Variants in PRLR observed in about 807,000 individuals in gnomAD.
PRLR encodes the protein prolactin receptor.
PRLR carries 13 observed loss-of-function variants against 40.2 expected under a neutral mutation model. The ratio of observed to expected loss-of-function variants is 0.32; its 90% CI spans 0.21 to 0.51. The LOEUF is 0.51. Ranked by LOEUF, PRLR falls within the 20% of genes least tolerant of loss-of-function variation. The pLI is 0.97. For synonymous variants in PRLR, 269 were observed against 278.7 expected (o/e 0.97, Z 0.35); for missense variants, 656 against 747.3 (o/e 0.88, Z 1.42).
chr5:35,055,273 C>T (rs888980305), downstream of PRLR, among the ~76,000 whole-genome samples: 5 of 152,074 alleles, frequency 3.3e-5, no homozygotes, highest in East Asian at 3.9e-4. Flanking sequence ...GAAAGTTGAT[C>T]GAATCTCAGG....
At chr5:35,114,490 G>A (rs1326104136) in intron 2 of PRLR, among the ~76,000 whole-genome samples, 8 of 152,202 alleles carry the variant, frequency 5.3e-5, no homozygotes, top group Admixed American at 4.6e-4. Flanking sequence ...GGTTACAATT[G>A]CTCCTTGGAA....
At chr5:35,178,336 C>T (rs1214135708) in intron 1 of PRLR, among the ~76,000 whole-genome samples, 4 of 152,142 alleles carry the variant, frequency 2.6e-5, no homozygotes, top group Non-Finnish European at 5.9e-5. Context: ...GTGTCATATA[C>T]ATATACTGAG....
intron 1 of PRLR, among the ~76,000 whole-genome samples, chr5:35,185,934 G>A (rs1775415545): frequency 2.6e-5 from 4 of 152,280 alleles, no homozygotes; most frequent in Admixed American, 2.0e-4. Flanking sequence ...TTCGTCGAAT[G>A]TCGGGGTGGA....
rs1768743850 is a variant in PRLR, at chr5:35,056,710, G to C, written c.*8379C>G. ...TATAGAACCTGTGTCTGGTGACTGA[G>C]ACTTCAAATTTTGCACCTTAAAAAT... On this transcript the variant is annotated 3_prime_UTR_variant, in exon 10 of 10. Coordinates refer to ENST00000618457, the MANE Select transcript of PRLR (RefSeq NM_000949.7). The C allele has an allele frequency of 6.6e-6, 1 of 152,100 alleles. No homozygotes were observed. Among genetic ancestry groups the C allele is most frequent in the African/African-American group, 2.4e-5 (1 of 41,426 alleles). 9.4% of individuals were successfully genotyped at this position (152,100 alleles called of 1,614,324 possible). A position where few individuals can be genotyped will look rare whatever the true frequency, so the allele number is the denominator to read the frequency against.
At position 35,057,436 on chromosome 5, in the gene PRLR, G is replaced by A. The variant is rs1326812431; in HGVS notation, c.*7653C>T. 2.0e-5 allele frequency: 3 copies of A among 152,112 alleles called. No individual in the cohort carries two copies. The highest frequency in any genetic ancestry group is 2.0e-4 in the Admixed American group (3 of 15,264). The allele number at this position is 152,112 out of a possible 1,614,324, so 9.4% of individuals were successfully genotyped here. On this transcript the variant is annotated 3_prime_UTR_variant, in exon 10 of 10. Transcript: ENST00000618457. ...GGGAATTAAACATTTATTAAGCCAG[G>A]CACTGAGCTGGGTATTTTCAATAAT...
chr5:35,193,197 G>C (rs187178266), intron 1 of PRLR, among the ~76,000 whole-genome samples: 1 of 152,086 alleles, frequency 6.6e-6, no homozygotes, highest in Admixed American at 6.5e-5. Context: ...CTCAACTCCC[G>C]TAGTTATGCA....
chr5:35,094,771 C>T (rs1301466406), intron 2 of PRLR, among the ~76,000 whole-genome samples: 3 of 149,348 alleles, frequency 2.0e-5, no homozygotes, highest in Non-Finnish European at 3.0e-5. Flanking sequence ...CTGAGGCTAA[C>T]ATAACAGGGA....
chr5:35,122,795 G>A (rs1163360270), intron 1 of PRLR, among the ~76,000 whole-genome samples: 1 of 152,216 alleles, frequency 6.6e-6, no homozygotes, highest in African/African-American at 2.4e-5. Context: ...TTGAGCAGAA[G>A]CAAGCACATC....
chr5:35,113,235 CATCT>C (rs957733451), intron 2 of PRLR, among the ~76,000 whole-genome samples: 2 of 149,818 alleles, frequency 1.3e-5, no homozygotes, highest in East Asian at 2.0e-4. Flanking sequence ...TCTTTCCATC[CATCT>C]ATCAACCACC....
chr5:35,175,184 G>C (rs1312018950), intron 1 of PRLR, among the ~76,000 whole-genome samples: 2 of 152,132 alleles, frequency 1.3e-5, no homozygotes, highest in African/African-American at 4.8e-5. Flanking sequence ...TTGTGGGAGG[G>C]ACCTGGTGGG....
At chr5:35,092,024 T>A (rs1437353690) in intron 2 of PRLR, among the ~76,000 whole-genome samples, 1 of 152,162 alleles carries the variant, frequency 6.6e-6, no homozygotes, top group East Asian at 1.9e-4. Context: ...CCATGCGTTT[T>A]GCAAAAGAAA....
chr5:35,133,982 G>A (rs886169662), intron 1 of PRLR, among the ~76,000 whole-genome samples: 3 of 152,100 alleles, frequency 2.0e-5, no homozygotes, highest in Admixed American at 6.5e-5. Context: ...GGAGCTAAAC[G>A]ATGAGGATGC....
In PRLR at chr5:35,193,653, T is replaced by C. The variant is rs571198189; in HGVS notation, c.-106+36615A>G. The stretch of plus-strand genomic sequence containing the variant: ...CTACCCCCTACCACCCAGATTGCTG[T>C]ACCCCTTAGGCTGGGTTCTCACATC... On this transcript the variant is annotated intron_variant, in intron 1 of 9. Transcript: ENST00000618457. Among the ~76,000 whole-genome samples the C allele has an allele frequency of 2.6e-5, 4 of 152,328 alleles. No individual in the cohort carries two copies. The South Asian group carries it at 8.3e-4, about 32-fold the overall frequency.
chr5:35,140,637 G>A (rs768533534), intron 1 of PRLR, among the ~76,000 whole-genome samples: 1 of 152,194 alleles, frequency 6.6e-6, no homozygotes, highest in Admixed American at 6.5e-5. Context: ...ATGGACTTAG[G>A]CCTTATGATG....
At chr5:35,131,133 G>A (rs537727828) in intron 1 of PRLR, among the ~76,000 whole-genome samples, 5 of 152,302 alleles carry the variant, frequency 3.3e-5, no homozygotes, top group Non-Finnish European at 7.3e-5. Context: ...TTATATGTGA[G>A]TCAGCTGGAT....
intron 2 of PRLR, among the ~76,000 whole-genome samples, chr5:35,090,761 G>T (rs370814231): frequency 9.0e-4 from 128 of 142,010 alleles, no homozygotes; most frequent in African/African-American, 3.2e-3. Flanking sequence ...AACAGTAGAG[G>T]TTTGGGCACC....
chr5:35,205,975 T>C (rs1412746728), intron 1 of PRLR, among the ~76,000 whole-genome samples: 4 of 152,136 alleles, frequency 2.6e-5, no homozygotes, highest in African/African-American at 9.7e-5. Flanking sequence ...GAAAAATAAG[T>C]AGCTTAGACA....
intron 1 of PRLR, among the ~76,000 whole-genome samples, chr5:35,119,763 C>G (rs1773219011): frequency 6.6e-6 from 1 of 152,154 alleles, no homozygotes; most frequent in African/African-American, 2.4e-5. Context: ...AAAATAAGAT[C>G]CAGACTGTTT....
intron 1 of PRLR, among the ~76,000 whole-genome samples, chr5:35,143,869 T>A (rs1774095485): frequency 6.6e-6 from 1 of 152,062 alleles, no homozygotes; most frequent in Non-Finnish European, 1.5e-5. Context: ...CTAAAATCAA[T>A]GGGCCTTAGA....
Sources: allele counts gnomAD v4.1 joint callset (sites outside exome capture counted in the v4.1 genomes callset), GRCh38; gene constraint gnomAD v4.1.1; transcripts MANE v1.5; gene names NCBI Gene and HGNC (gene_info 2026-07-23, HGNC 2026-07-21).